The following SLC44A5 variants were observed in gnomAD, a reference collection of about 807,000 sequenced individuals.
The protein encoded by SLC44A5 is solute carrier family 44 member 5.
Under a neutral mutation model 101.8 loss-of-function variants are expected in SLC44A5, and 57 were observed. That is an observed-to-expected ratio of 0.56 (90% CI 0.45 to 0.70). SLC44A5 has a LOEUF of 0.70. SLC44A5 is among the 30% of genes least tolerant of loss of function. The probability of loss-of-function intolerance (pLI) is 0.00; values close to 1 mark genes in which losing one functional copy is unlikely to be tolerated. For missense variants in SLC44A5, 737 were observed against 853.1 expected (o/e 0.86, Z 1.70); for synonymous variants, 281 against 290.9 (o/e 0.97, Z 0.35).
chr1:75,485,632 C>T (rs933766164), intron 2 of SLC44A5, among the ~76,000 whole-genome samples: 2 of 152,200 alleles, frequency 1.3e-5, no homozygotes, highest in Non-Finnish European at 2.9e-5. Flanking sequence ...TCCAAAGTCA[C>T]TTCCACATTT....
chr1:75,207,067 G>C (rs1472787116), intron 23 of SLC44A5, among the ~76,000 whole-genome samples: 1 of 152,160 alleles, frequency 6.6e-6, no homozygotes, highest in African/African-American at 2.4e-5. Flanking sequence ...CCGGGATGGA[G>C]CTGAATAGGA....
chr1:75,656,616 CTA>C, the SLC44A5 span, among the ~76,000 whole-genome samples: 1 of 151,980 alleles, frequency 6.6e-6, no homozygotes, highest in African/African-American at 2.4e-5. Context: ...TTTCTAATAA[CTA>C]TAAGATTTTT....
At chr1:75,287,854 A>C (rs1653197966) in intron 5 of SLC44A5, among the ~76,000 whole-genome samples, 3 of 152,162 alleles carry the variant, frequency 2.0e-5, no homozygotes, top group South Asian at 4.1e-4. Context: ...AGAGGTAGTA[A>C]GGGAGTGAAG....
At chr1:75,262,679 T>A (rs1009837554) in intron 6 of SLC44A5, among the ~76,000 whole-genome samples, 2 of 152,122 alleles carry the variant, frequency 1.3e-5, no homozygotes, top group Admixed American at 1.3e-4. Flanking sequence ...GCCAAGACAA[T>A]CCTAAGCCAA....
chr1:75,596,918 C>T (rs1260788339), intron 1 of SLC44A5, among the ~76,000 whole-genome samples: 1 of 152,142 alleles, frequency 6.6e-6, no homozygotes. Flanking sequence ...CTCACCACTC[C>T]TATTTAACAT....
intron 8 of SLC44A5, 51 bp downstream of exon 8, chr1:75,242,835 T>C (rs1258417389): frequency 1.2e-5 from 18 of 1,529,464 alleles, no homozygotes; most frequent in Non-Finnish European, 1.5e-5. Context: ...ACACTTGAGA[T>C]TGAAAAAAAA....
chr1:75,464,103 T>C (rs554146568), intron 2 of SLC44A5, among the ~76,000 whole-genome samples: 1 of 151,250 alleles, frequency 6.6e-6, no homozygotes, highest in Non-Finnish European at 1.5e-5. Context: ...GCACCTGTAG[T>C]CCTAGCTACT....
the SLC44A5 span, among the ~76,000 whole-genome samples, chr1:75,635,203 T>G: frequency 6.6e-6 from 1 of 151,560 alleles, no homozygotes; most frequent in Non-Finnish European, 1.5e-5. Context: ...ACTTTTACAC[T>G]GTTGGTGGGA....
At chr1:75,325,411 T>C (rs989580785) in intron 4 of SLC44A5, among the ~76,000 whole-genome samples, 3 of 152,220 alleles carry the variant, frequency 2.0e-5, no homozygotes, top group African/African-American at 7.2e-5. Context: ...TAGCATGTTA[T>C]TATTTATATG....
At chr1:75,417,894 T>G (rs139725794) in intron 2 of SLC44A5, among the ~76,000 whole-genome samples, 16 of 152,296 alleles carry the variant, frequency 1.1e-4, no homozygotes, top group African/African-American at 3.8e-4. Flanking sequence ...TTTCTCAAAA[T>G]CAGCAATCAG....
intron 2 of SLC44A5, among the ~76,000 whole-genome samples, chr1:75,518,417 T>C (rs1351479384): frequency 6.6e-6 from 1 of 152,208 alleles, no homozygotes; most frequent in African/African-American, 2.4e-5. Flanking sequence ...TATTTATCAT[T>C]TGTAGCACTC....
At chr1:75,504,907 A>G (rs1280155326) in intron 2 of SLC44A5, among the ~76,000 whole-genome samples, 7 of 152,126 alleles carry the variant, frequency 4.6e-5, no homozygotes, top group Non-Finnish European at 1.0e-4. Context: ...GGTATATTGC[A>G]TGATACTCAT....
intron 4 of SLC44A5, among the ~76,000 whole-genome samples, chr1:75,309,414 G>A (rs546389245): frequency 1.6e-4 from 24 of 152,196 alleles, no homozygotes; most frequent in African/African-American, 5.5e-4. Context: ...GAAACAGAGC[G>A]AGACCATTGC....
intron 2 of SLC44A5, among the ~76,000 whole-genome samples, chr1:75,457,384 C>T (rs771286797): frequency 1.1e-4 from 17 of 152,038 alleles, no homozygotes; most frequent in Non-Finnish European, 8.8e-5. Context: ...ATCCTAACAT[C>T]ATGGGAAAGA....
intron 5 of SLC44A5, among the ~76,000 whole-genome samples, chr1:75,275,551 A>G (rs1302665497): frequency 6.6e-6 from 1 of 152,180 alleles, no homozygotes; most frequent in Non-Finnish European, 1.5e-5. Flanking sequence ...AAGGCAAACA[A>G]TAGCAACTGC....
upstream of SLC44A5, chr1:75,615,746 G>T: frequency 1.6e-6 from 1 of 640,430 alleles, no homozygotes; most frequent in Non-Finnish European, 1.9e-6. Context: ...CTCTTCCCCG[G>T]CAGGAGCCTT....
At chr1:75,498,621 G>A (rs974246445) in intron 2 of SLC44A5, among the ~76,000 whole-genome samples, 2 of 151,964 alleles carry the variant, frequency 1.3e-5, no homozygotes, top group Non-Finnish European at 2.9e-5. Flanking sequence ...ATAATACAAT[G>A]AAAGCTATGC....
At chr1:75,213,815 T>C (rs752240562) in intron 21 of SLC44A5, 22 bp from the exon 22 acceptor site, 7 of 1,583,446 alleles carry the variant, frequency 4.4e-6, no homozygotes, top group South Asian at 1.1e-5. Flanking sequence ...AGGTAGAACA[T>C]GTATATTATA....
In SLC44A5 at chr1:75,238,774, C is replaced by T. The variant is rs545999815; in HGVS notation, c.533-138G>A. On this transcript the variant is annotated intron_variant, in intron 9 of 23. Coordinates refer to ENST00000370859, the MANE Select transcript of SLC44A5 (RefSeq NM_001130058.2). ...ATTGCTCAATATAGATAGCTCATTG[C>T]CTGTTACTTGATGATATGATTTTCT... The T allele has an allele frequency of 1.6e-4, 75 of 468,398 alleles. 1 individual carries two copies. Among genetic ancestry groups the T allele is most frequent in the African/African-American group, 1.1e-3 (57 of 49,726 alleles). 29.0% of individuals were successfully genotyped at this position (468,398 alleles called of 1,614,324 possible).
Sources: allele counts gnomAD v4.1 joint callset (sites outside exome capture counted in the v4.1 genomes callset), GRCh38; gene constraint gnomAD v4.1.1; transcripts MANE v1.5; gene names NCBI Gene and HGNC (gene_info 2026-07-23, HGNC 2026-07-21).